PCDH7: variants seen among roughly 807,000 people sequenced by gnomAD.
PCDH7 encodes the protein protocadherin-7.
Under a neutral mutation model 58.9 loss-of-function variants are expected in PCDH7, and 17 were observed. That is an observed-to-expected ratio of 0.29 (90% CI 0.20 to 0.43). The LOEUF (loss-of-function observed/expected upper bound fraction) is 0.43. Ranked by LOEUF, PCDH7 falls within the 20% of genes least tolerant of loss-of-function variation. The probability of loss-of-function intolerance (pLI) is 1.00; values close to 1 mark genes in which losing one functional copy is unlikely to be tolerated. For missense variants in PCDH7, 1,274 were observed against 1,441.0 expected (o/e 0.88, Z 1.88); for synonymous variants, 664 against 616.4 (o/e 1.08, Z -1.14).
At chr4:31,014,543 T>G (rs1357113860) in intron 3 of PCDH7, among the ~76,000 whole-genome samples, 1 of 152,134 alleles carries the variant, frequency 6.6e-6, no homozygotes, top group Non-Finnish European at 1.5e-5. Flanking sequence ...AAAGCACAAC[T>G]ACACGTAAGC....
intron 3 of PCDH7, among the ~76,000 whole-genome samples, chr4:31,037,675 C>T (rs1755533619): frequency 6.6e-6 from 1 of 152,184 alleles, no homozygotes; most frequent in African/African-American, 2.4e-5. Flanking sequence ...CCACTGAAAG[C>T]AATCATTCTT....
chr4:30,846,328 T>G (rs1036900326), intron 1 of PCDH7, among the ~76,000 whole-genome samples: 2 of 152,032 alleles, frequency 1.3e-5, no homozygotes, highest in African/African-American at 4.8e-5. Flanking sequence ...GTTATTAGAA[T>G]AGTGGATTTC....
chr4:31,086,452 C>G (rs1712452449), intron 3 of PCDH7, among the ~76,000 whole-genome samples: 1 of 152,122 alleles, frequency 6.6e-6, no homozygotes. Context: ...GATGTATTAT[C>G]TATACACCCA....
At chr4:31,111,111 G>T (rs1465089983) in intron 3 of PCDH7, among the ~76,000 whole-genome samples, 2 of 151,904 alleles carry the variant, frequency 1.3e-5, no homozygotes, top group Admixed American at 6.6e-5. Context: ...GTATATTTGT[G>T]AATTCATAAT....
chr4:31,113,292 G>A (rs1468111586), intron 3 of PCDH7, among the ~76,000 whole-genome samples: 1 of 152,044 alleles, frequency 6.6e-6, no homozygotes, highest in Non-Finnish European at 1.5e-5. Flanking sequence ...ACATCAACAA[G>A]GTCAAGTGGT....
At chr4:30,827,159 T>C (rs4692105) in intron 1 of PCDH7, among the ~76,000 whole-genome samples, 80,541 of 152,038 alleles carry the variant, frequency 0.53, 23,844 homozygotes, top group African/African-American at 0.81. Context: ...TTATATGTCA[T>C]TTCCTTGTAA....
At chr4:30,882,812 A>G (rs1386508939) in intron 1 of PCDH7, among the ~76,000 whole-genome samples, 3 of 152,240 alleles carry the variant, frequency 2.0e-5, no homozygotes, top group Non-Finnish European at 2.9e-5. Context: ...GCCAAAAGTT[A>G]GTAGTATATG....
intron 1 of PCDH7, among the ~76,000 whole-genome samples, chr4:30,825,885 C>T (rs897231315): frequency 6.6e-6 from 1 of 152,054 alleles, no homozygotes; most frequent in African/African-American, 2.4e-5. Flanking sequence ...GCTGCCAGTA[C>T]CTTAAAAGAA....
intron 3 of PCDH7, among the ~76,000 whole-genome samples, chr4:31,090,095 C>G (rs1012506910): frequency 6.6e-6 from 1 of 152,016 alleles, no homozygotes; most frequent in Non-Finnish European, 1.5e-5. Context: ...GCCAAGTCAG[C>G]AGGCTATGAG....
chr4:31,128,051 G>A (rs1718510072), intron 3 of PCDH7, among the ~76,000 whole-genome samples: 1 of 150,266 alleles, frequency 6.7e-6, no homozygotes, highest in Non-Finnish European at 1.5e-5. Flanking sequence ...ATGCACATAT[G>A]CATACATATG....
At chr4:30,918,471 A>G (rs1742771503) in intron 1 of PCDH7, among the ~76,000 whole-genome samples, 1 of 152,120 alleles carries the variant, frequency 6.6e-6, no homozygotes, top group Non-Finnish European at 1.5e-5. Flanking sequence ...AGGGTAAAAT[A>G]TCACAACTAT....
intron 2 of PCDH7, among the ~76,000 whole-genome samples, chr4:30,926,555 T>C (rs974924484): frequency 2.6e-5 from 4 of 152,234 alleles, no homozygotes; most frequent in African/African-American, 9.6e-5. Flanking sequence ...GCCTCACAAA[T>C]TTAGCATTTT....
chr4:31,031,332 C>T (rs1319042705), intron 3 of PCDH7, among the ~76,000 whole-genome samples: 1 of 152,156 alleles, frequency 6.6e-6, no homozygotes. Context: ...AGACATCCTG[C>T]CATCCACAGT....
chr4:30,825,185 C>T (rs1728941317), intron 1 of PCDH7, among the ~76,000 whole-genome samples: 1 of 152,102 alleles, frequency 6.6e-6, no homozygotes, highest in Admixed American at 6.6e-5. Context: ...TCCTTCCTCC[C>T]TCTAGTGCTT....
At chr4:30,847,934 A>G (rs1381922957) in intron 1 of PCDH7, among the ~76,000 whole-genome samples, 1 of 152,168 alleles carries the variant, frequency 6.6e-6, no homozygotes, top group Non-Finnish European at 1.5e-5. Context: ...AAGGTAGACT[A>G]TTAACTATAA....
intron 3 of PCDH7, among the ~76,000 whole-genome samples, chr4:31,138,193 T>G (rs1380801300): frequency 6.6e-6 from 1 of 152,160 alleles, no homozygotes; most frequent in Non-Finnish European, 1.5e-5. Flanking sequence ...TGTAACAGCA[T>G]CTAGCAGCAT....
At chr4:31,076,107 A>G (rs369095824) in intron 3 of PCDH7, among the ~76,000 whole-genome samples, 23 of 152,118 alleles carry the variant, frequency 1.5e-4, no homozygotes, top group South Asian at 6.2e-4. Context: ...CCTTGTCCCT[A>G]TGTAGTCTGA....
intron 1 of PCDH7, among the ~76,000 whole-genome samples, chr4:30,800,237 G>C (rs1269371099): frequency 6.6e-6 from 1 of 151,918 alleles, no homozygotes; most frequent in African/African-American, 2.4e-5. Flanking sequence ...GAGCTGACTT[G>C]ACTGAGGCAT....
intron 1 of PCDH7, among the ~76,000 whole-genome samples, chr4:30,919,695 A>G (rs1742934851): frequency 6.6e-6 from 1 of 152,104 alleles, no homozygotes; most frequent in Non-Finnish European, 1.5e-5. Flanking sequence ...TCAACTGCCA[A>G]CCCATTTGAT....
Sources: allele counts gnomAD v4.1 joint callset (sites outside exome capture counted in the v4.1 genomes callset), GRCh38; gene constraint gnomAD v4.1.1; transcripts MANE v1.5; gene names NCBI Gene and HGNC (gene_info 2026-07-23, HGNC 2026-07-21).